THADA: variants seen among roughly 807,000 people sequenced by gnomAD.
THADA encodes THADA armadillo repeat containing.
Under a neutral mutation model 219.8 loss-of-function variants are expected in THADA, and 213 were observed. That is an observed-to-expected ratio of 0.97 (90% CI 0.87 to 1.09). The LOEUF (loss-of-function observed/expected upper bound fraction) is 1.09, where lower values mean the gene tolerates loss of function less well. Ranked by LOEUF, THADA falls within the 50% of genes least tolerant of loss-of-function variation. The pLI is 0.00. For missense variants in THADA, 2,956 were observed against 2,311.3 expected (o/e 1.28, Z -5.72); for synonymous variants, 1,018 against 828.9 (o/e 1.23, Z -3.92).
chr2:43,287,051 AATTCCCT>A lies in THADA; in HGVS notation c.5014_5020del (p.Arg1672Ter), dbSNP rs754743444. ...CCACTGCTTCAGCTCAGCAGCTATC[AATTCCCT>A]GTTCTAAAAGCACAAAATGTACCTA... On this transcript the variant is annotated frameshift_variant, in exon 35 of 38. Transcript: ENST00000405975. LOFTEE classifies it high-confidence loss of function. The A allele has an allele frequency of 1.2e-6, 2 of 1,612,736 alleles. No individual in the cohort carries two copies. The highest frequency in any genetic ancestry group is 1.7e-6 in the Non-Finnish European group (2 of 1,179,112).
chr2:43,592,888 T>C (rs898119703), intron 1 of THADA: 4 of 152,356 alleles, frequency 2.6e-5, no homozygotes, highest in African/African-American at 9.7e-5. Context: ...CGTGTCCTGA[T>C]TTCTGCAAAA....
intron 31 of THADA, among the ~76,000 whole-genome samples, chr2:43,302,327 C>T (rs1676358712): frequency 6.6e-6 from 1 of 152,120 alleles, no homozygotes; most frequent in African/African-American, 2.4e-5. Context: ...CTCTTCCTGG[C>T]TGGAGCTTTT....
intron 28 of THADA, among the ~76,000 whole-genome samples, chr2:43,402,783 T>C (rs1475802616): frequency 6.6e-6 from 1 of 152,184 alleles, no homozygotes; most frequent in Non-Finnish European, 1.5e-5. Context: ...CACAAGCTGC[T>C]GCTGCTGTGT....
chr2:43,470,608 G>C (rs1441231981), intron 26 of THADA, among the ~76,000 whole-genome samples: 1 of 152,090 alleles, frequency 6.6e-6, no homozygotes, highest in Non-Finnish European at 1.5e-5. Flanking sequence ...GAACACTCAC[G>C]AATGAGAAAA....
chr2:43,518,848 T>C (rs1222293155), intron 22 of THADA, among the ~76,000 whole-genome samples: 1 of 152,122 alleles, frequency 6.6e-6, no homozygotes, highest in East Asian at 1.9e-4. Context: ...TTTCCCAGAA[T>C]GCTGGACATT....
At chr2:43,402,982 T>A (rs1217253037) in intron 28 of THADA, among the ~76,000 whole-genome samples, 1 of 152,196 alleles carries the variant, frequency 6.6e-6, no homozygotes. Context: ...GGAAGGAAAC[T>A]GAGATTAAGT....
At chr2:43,373,214 T>G (rs554563711) in intron 29 of THADA, among the ~76,000 whole-genome samples, 1 of 152,270 alleles carries the variant, frequency 6.6e-6, no homozygotes, top group African/African-American at 2.4e-5. Flanking sequence ...TAATGACAAG[T>G]TTACATGTTT....
intron 10 of THADA, among the ~76,000 whole-genome samples, chr2:43,575,309 G>C (rs962421085): frequency 1.3e-5 from 2 of 152,092 alleles, no homozygotes; most frequent in Non-Finnish European, 2.9e-5. Flanking sequence ...ATTTAGCTGG[G>C]TGTGGTGACA....
chr2:43,489,464 C>T (rs1357033266), intron 25 of THADA, among the ~76,000 whole-genome samples: 1 of 151,992 alleles, frequency 6.6e-6, no homozygotes, highest in East Asian at 1.9e-4. Flanking sequence ...TTATCTAATC[C>T]AAGGTACAAA....
intron 28 of THADA, among the ~76,000 whole-genome samples, chr2:43,411,488 TC>T (rs1238086864): frequency 6.6e-6 from 1 of 152,074 alleles, no homozygotes; most frequent in East Asian, 1.9e-4. Context: ...AAGATTCCCC[TC>T]CCCCCAACTT....
intron 34 of THADA, among the ~76,000 whole-genome samples, chr2:43,289,984 T>G (rs1300792443): frequency 2.0e-5 from 3 of 148,994 alleles, no homozygotes; most frequent in South Asian, 4.3e-4. Flanking sequence ...TTGTTTTTTT[T>G]TTTTTTTTTG....
chr2:43,594,430 A>T (rs972977571), intron 1 of THADA, among the ~76,000 whole-genome samples: 3 of 151,984 alleles, frequency 2.0e-5, no homozygotes, highest in Non-Finnish European at 4.4e-5. Flanking sequence ...CTAAAAATAC[A>T]AAAATTAGCC....
intron 31 of THADA, among the ~76,000 whole-genome samples, chr2:43,310,234 C>CT (rs1012939790): frequency 4.6e-5 from 6 of 129,168 alleles, no homozygotes; most frequent in African/African-American, 1.4e-4. Context: ...CCGCCCCCCC[C>CT]CCAAACAAGC....
chr2:43,544,596 T>G (rs879880681), intron 20 of THADA, among the ~76,000 whole-genome samples: 11 of 151,458 alleles, frequency 7.3e-5, no homozygotes, highest in Non-Finnish European at 1.0e-4. Context: ...TTCACGTCCC[T>G]TGTAAGTTGG....
intron 28 of THADA, among the ~76,000 whole-genome samples, chr2:43,417,163 C>T (rs1294930588): frequency 2.7e-5 from 4 of 146,236 alleles, no homozygotes; most frequent in African/African-American, 1.0e-4. Context: ...TAAACATTTG[C>T]TATTATTGTT....
intron 31 of THADA, among the ~76,000 whole-genome samples, chr2:43,306,226 A>G (rs768769812): frequency 2.0e-5 from 3 of 152,060 alleles, no homozygotes; most frequent in Non-Finnish European, 4.4e-5. Context: ...TGCTCAGGCT[A>G]GTCTTGAACT....
intron 7 of THADA, among the ~76,000 whole-genome samples, chr2:43,582,849 G>A (rs541790649): frequency 1.1e-4 from 16 of 152,110 alleles, no homozygotes; most frequent in Admixed American, 8.5e-4. Flanking sequence ...GATTACAGGC[G>A]TGAACAACCA....
intron 28 of THADA, among the ~76,000 whole-genome samples, chr2:43,404,327 G>C (rs1233811382): frequency 6.6e-6 from 1 of 151,596 alleles, no homozygotes; most frequent in Non-Finnish European, 1.5e-5. Flanking sequence ...TGAATAGCTG[G>C]GATTACGGTT....
intron 26 of THADA, among the ~76,000 whole-genome samples, chr2:43,436,176 C>T (rs999699510): frequency 6.6e-6 from 1 of 152,026 alleles, no homozygotes; most frequent in African/African-American, 2.4e-5. Flanking sequence ...CTAGACAAAA[C>T]GTCTGGTTGC....
Sources: allele counts gnomAD v4.1 joint callset (sites outside exome capture counted in the v4.1 genomes callset), GRCh38; gene constraint gnomAD v4.1.1; transcripts MANE v1.5; gene names NCBI Gene and HGNC (gene_info 2026-07-23, HGNC 2026-07-21).